Variants in ADAM22 observed in about 807,000 individuals in gnomAD.
ADAM22 encodes the protein disintegrin and metalloproteinase domain-containing protein 22.
Under a neutral mutation model 144.6 loss-of-function variants are expected in ADAM22, and 65 were observed. That is an observed-to-expected ratio of 0.45 (90% CI 0.37 to 0.55). The LOEUF (loss-of-function observed/expected upper bound fraction) is 0.55. Among genes scored for constraint, ADAM22 ranks in the 20% least tolerant of loss-of-function variants. The pLI is 0.00. For synonymous variants in ADAM22, 391 were observed against 412.6 expected (o/e 0.95, Z 0.63); for missense variants, 974 against 1,184.9 (o/e 0.82, Z 2.61).
At chr7:88,002,003 C>T (rs1054437240) in intron 3 of ADAM22, among the ~76,000 whole-genome samples, 1 of 151,862 alleles carries the variant, frequency 6.6e-6, no homozygotes, top group Non-Finnish European at 1.5e-5. Flanking sequence ...TGTTCTTGTT[C>T]TGCTTGACCT....
chr7:87,957,247 G>T (rs1429292280), intron 2 of ADAM22, among the ~76,000 whole-genome samples: 1 of 152,178 alleles, frequency 6.6e-6, no homozygotes, highest in Non-Finnish European at 1.5e-5. Context: ...GGGACATCTG[G>T]ATGGTTGTGT....
At chr7:88,125,765 A>G in intron 8 of ADAM22, 106 bp downstream of exon 8, 1 of 930,496 alleles carries the variant, frequency 1.1e-6, no homozygotes, top group South Asian at 2.0e-5. Flanking sequence ...TAGTTTGGGA[A>G]TTTGTCAGGG....
chr7:88,038,555 C>T (rs563009555), intron 3 of ADAM22, among the ~76,000 whole-genome samples: 3 of 150,894 alleles, frequency 2.0e-5, no homozygotes, highest in East Asian at 2.0e-4. Flanking sequence ...CCCGGGTTCA[C>T]GCCATTCTCC....
chr7:88,200,045 G>A lies in ADAM22; in HGVS notation c.*3554G>A, dbSNP rs772707188. 2 of 152,086 alleles carry A rather than the reference G, an allele frequency of 1.3e-5. No homozygotes were observed. Among genetic ancestry groups the A allele is most frequent in the African/African-American group, 4.8e-5 (2 of 41,412 alleles). The allele number at this position is 152,086 out of a possible 1,614,324, so 9.4% of individuals were successfully genotyped here. A position where few individuals can be genotyped will look rare whatever the true frequency, so the allele number is the denominator to read the frequency against. On this transcript the variant is annotated 3_prime_UTR_variant, in exon 32 of 32. Coordinates refer to ENST00000413139, the MANE Select transcript of ADAM22 (RefSeq NM_001324418.2). ...TTGCATATCTACATAATTTAATCCT[G>A]TCTATTGTCCCAGATCTCTTGTGGC...
rs1448635497 is a variant in ADAM22, at chr7:88,075,680, T to C, written c.378T>C (p.Thr126=). 1 of 1,613,630 alleles carries C rather than the reference T, an allele frequency of 6.2e-7. No individual in the cohort carries two copies. Among genetic ancestry groups the C allele is most frequent in the Admixed American group, 1.7e-5 (1 of 60,002 alleles). The part of the protein sequence containing the change: ...IERHIEHGGK[T]VEVKGGEHCY... The stretch of plus-strand genomic sequence containing the variant: ...GACACATTGAACATGGAGGCAAGAC[T>C]GTGGAAGTTAAAGTAAGTGAAATTT... Residue 126 remains threonine, a synonymous_variant, in exon 4 of 32, where the codon ACT becomes ACC. Transcript: ENST00000413139.
chr7:88,078,612 G>A (rs745512976), intron 4 of ADAM22, among the ~76,000 whole-genome samples: 1 of 152,142 alleles, frequency 6.6e-6, no homozygotes, highest in Non-Finnish European at 1.5e-5. Flanking sequence ...AAAATTAGAC[G>A]AATGGATAAC....
At chr7:87,974,880 C>G (rs1851527450) in intron 2 of ADAM22, among the ~76,000 whole-genome samples, 1 of 152,160 alleles carries the variant, frequency 6.6e-6, no homozygotes, top group Non-Finnish European at 1.5e-5. Flanking sequence ...TTCCTGCCCT[C>G]TTCCTCTTAG....
chr7:88,011,526 C>T (rs533451655), intron 3 of ADAM22, among the ~76,000 whole-genome samples: 67 of 146,720 alleles, frequency 4.6e-4, no homozygotes, highest in African/African-American at 1.5e-3. Flanking sequence ...GGTGACAGAG[C>T]GAGACTCAAT....
chr7:88,151,396 G>A, intron 20 of ADAM22, 76 bp downstream of exon 20: 1 of 1,532,180 alleles, frequency 6.5e-7, no homozygotes. Context: ...TGTGCTGGAA[G>A]TAAATTTTTG....
chr7:87,958,151 T>G (rs1223830308), intron 2 of ADAM22, among the ~76,000 whole-genome samples: 1 of 152,172 alleles, frequency 6.6e-6, no homozygotes, highest in African/African-American at 2.4e-5. Context: ...ATAAGCAGTA[T>G]ATACCATTTG....
At chr7:88,150,955 A>G (rs369730913) in intron 18 of ADAM22, 26 bp from the exon 19 acceptor site, 1 of 1,594,906 alleles carries the variant, frequency 6.3e-7, no homozygotes, top group Non-Finnish European at 8.6e-7. Context: ...ACTGCATTTC[A>G]TTCATAGTTG....
At chr7:88,077,563 G>A (rs1033513538) in intron 4 of ADAM22, among the ~76,000 whole-genome samples, 1 of 152,240 alleles carries the variant, frequency 6.6e-6, no homozygotes, top group Non-Finnish European at 1.5e-5. Flanking sequence ...CACCTGGGAA[G>A]TGCAAGGGGT....
At chr7:87,959,949 T>C (rs1230577259) in intron 2 of ADAM22, among the ~76,000 whole-genome samples, 1 of 152,178 alleles carries the variant, frequency 6.6e-6, no homozygotes, top group African/African-American at 2.4e-5. Flanking sequence ...TGTTTTTTCC[T>C]TTCTGTTTGG....
intron 7 of ADAM22, among the ~76,000 whole-genome samples, chr7:88,122,476 T>G (rs1829530299): frequency 6.6e-6 from 1 of 152,130 alleles, no homozygotes; most frequent in African/African-American, 2.4e-5. Flanking sequence ...GTCAAATTCT[T>G]CTCTTTGGCC....
intron 4 of ADAM22, among the ~76,000 whole-genome samples, chr7:88,096,969 A>G (rs1821495667): frequency 2.6e-5 from 4 of 152,090 alleles, no homozygotes. Flanking sequence ...AGACCTCTTT[A>G]GTAATCTGAC....
intron 18 of ADAM22, among the ~76,000 whole-genome samples, chr7:88,150,078 G>A (rs1732683873): frequency 6.6e-6 from 1 of 152,134 alleles, no homozygotes; most frequent in African/African-American, 2.4e-5. Flanking sequence ...CTGGGACATC[G>A]TCACCTATAT....
chr7:88,054,498 A>G lies in ADAM22; in HGVS notation c.324-21128A>G, dbSNP rs544846875. 9.2e-5 allele frequency among the ~76,000 whole-genome samples: 14 copies of G among 151,970 alleles called. No individual in the cohort carries two copies. The East Asian group carries it at 1.7e-3, about 19-fold the overall frequency. On this transcript the variant is annotated intron_variant, in intron 3 of 31. Coordinates refer to ENST00000413139, the MANE Select transcript of ADAM22 (RefSeq NM_001324418.2). The stretch of plus-strand genomic sequence containing the variant: ...CTGTTTTCCTTCAAGACTCAGATCT[A>G]TCATACATTCATCTTAGAAACATCC...
chr7:88,179,448 T>C (rs189544340), intron 27 of ADAM22, among the ~76,000 whole-genome samples: 1 of 152,204 alleles, frequency 6.6e-6, no homozygotes, highest in East Asian at 1.9e-4. Context: ...AAATTGGTGA[T>C]ATAAGTGCTG....
chr7:88,193,042 T>C (rs1190961337), intron 30 of ADAM22, 74 bp from the exon 31 acceptor site: 2 of 1,588,188 alleles, frequency 1.3e-6, no homozygotes, highest in Non-Finnish European at 1.7e-6. Flanking sequence ...GGGTTTGTTC[T>C]GAACACACTT....
Sources: gnomAD v4.1 joint callset for allele counts (sites outside exome capture counted in the v4.1 genomes callset) on GRCh38, gnomAD v4.1.1 for gene constraint, MANE v1.5 for transcripts, NCBI Gene and HGNC (gene_info 2026-07-23, HGNC 2026-07-21) for gene names.